The following CNTN6 variants were observed in gnomAD, a reference collection of about 807,000 sequenced individuals.
CNTN6 encodes contactin 6, also known as contactin-6.
A neutral mutation model predicts 122.8 loss-of-function variants in CNTN6; 137 were observed. The ratio of observed to expected loss-of-function variants is 1.12; its 90% CI spans 0.97 to 1.29. The LOEUF (loss-of-function observed/expected upper bound fraction) is 1.29, where lower values mean the gene tolerates loss of function less well. Ranked by LOEUF, CNTN6 falls within the 50% of genes most tolerant of loss-of-function variation. The probability of loss-of-function intolerance (pLI) is 0.00; values close to 1 mark genes in which losing one functional copy is unlikely to be tolerated. For missense variants in CNTN6, 1,634 were observed against 1,223.4 expected, an observed-to-expected ratio of 1.34 and a Z score of -5.01; for synonymous variants, 570 against 426.0, an observed-to-expected ratio of 1.34 and a Z score of -4.16.
intron 12 of CNTN6, among the ~76,000 whole-genome samples, chr3:1,358,614 G>A (rs527655818): frequency 5.3e-5 from 8 of 152,074 alleles, no homozygotes; most frequent in African/African-American, 9.6e-5. Context: ...GGGCGTGGAA[G>A]GGGAAAAAAT....
chr3:1,137,294 T>C (rs1368255549), intron 1 of CNTN6, among the ~76,000 whole-genome samples: 1 of 152,248 alleles, frequency 6.6e-6, no homozygotes, highest in East Asian at 1.9e-4. Context: ...TTGTTGTTGT[T>C]AATGCCTTTT....
chr3:1,398,440 C>A (rs3916111), intron 20 of CNTN6, among the ~76,000 whole-genome samples: 117,508 of 152,056 alleles, frequency 0.77, 47,109 homozygotes, highest in East Asian at 1. Context: ...ACATATCAAG[C>A]ATCCAAGTAA....
At chr3:1,342,347 C>T (rs967183799) in intron 11 of CNTN6, among the ~76,000 whole-genome samples, 2 of 152,140 alleles carry the variant, frequency 1.3e-5, no homozygotes, top group Non-Finnish European at 2.9e-5. Flanking sequence ...TCAGGCTGGT[C>T]TCGAACTCCT....
chr3:1,263,216 T>C (rs2094875508), intron 4 of CNTN6, among the ~76,000 whole-genome samples: 1 of 152,198 alleles, frequency 6.6e-6, no homozygotes, highest in African/African-American at 2.4e-5. Flanking sequence ...CCATTTTAAA[T>C]GTCTCACAGC....
intron 11 of CNTN6, among the ~76,000 whole-genome samples, chr3:1,344,608 C>T (rs568108974): frequency 5.3e-5 from 8 of 152,174 alleles, no homozygotes; most frequent in Middle Eastern, 3.4e-3. Context: ...AGAGTTTAGG[C>T]TTTTGTCTGG....
chr3:1,101,904 C>G (rs9310372), intron 1 of CNTN6, among the ~76,000 whole-genome samples: 6,567 of 152,216 alleles, frequency 0.043, 516 homozygotes, highest in African/African-American at 0.15. Flanking sequence ...TATTCAAAAA[C>G]TTTGTTAGCA....
chr3:1,170,279 T>C (rs1187210311), intron 2 of CNTN6, among the ~76,000 whole-genome samples: 1 of 145,828 alleles, frequency 6.9e-6, no homozygotes, highest in Admixed American at 6.9e-5. Flanking sequence ...ACTTTTAATA[T>C]GCTTACTCAC....
At chr3:1,189,636 C>T (rs1486525296) in intron 2 of CNTN6, among the ~76,000 whole-genome samples, 3 of 152,266 alleles carry the variant, frequency 2.0e-5, no homozygotes, top group Non-Finnish European at 4.4e-5. Context: ...ACTGGTATTA[C>T]ATTGCCTCCT....
chr3:1,363,642 ATT>A (rs1707796302), intron 12 of CNTN6, among the ~76,000 whole-genome samples: 1 of 151,880 alleles, frequency 6.6e-6, no homozygotes. Context: ...ACATGTCACA[ATT>A]TATTTATCCA....
chr3:1,354,103 T>C (rs73819717), intron 12 of CNTN6, among the ~76,000 whole-genome samples: 87 of 151,530 alleles, frequency 5.7e-4, no homozygotes, highest in African/African-American at 1.9e-3. Context: ...AGTCCACTAA[T>C]AACTGATGAA....
chr3:1,296,515 A>G (rs1696266638), intron 6 of CNTN6, among the ~76,000 whole-genome samples: 1 of 152,176 alleles, frequency 6.6e-6, no homozygotes, highest in Non-Finnish European at 1.5e-5. Context: ...GGATTCATAC[A>G]GGTAGAAAAT....
At chr3:1,245,269 A>G (rs1575400485) in intron 4 of CNTN6, among the ~76,000 whole-genome samples, 1 of 4,564 alleles carries the variant, frequency 2.2e-4, no homozygotes, top group East Asian at 5.0e-3. Context: ...ATATATATAT[A>G]TATATACACA....
At chr3:1,286,501 T>C (rs2125826932) in intron 5 of CNTN6, among the ~76,000 whole-genome samples, 1 of 152,246 alleles carries the variant, frequency 6.6e-6, no homozygotes, top group Non-Finnish European at 1.5e-5. Flanking sequence ...TCGAGCTTCA[T>C]CCATGTCCCT....
chr3:1,247,144 T>G (rs969408055), intron 4 of CNTN6, among the ~76,000 whole-genome samples: 1 of 152,220 alleles, frequency 6.6e-6, no homozygotes, highest in African/African-American at 2.4e-5. Context: ...CCTTCGTATT[T>G]AAATTATAAT....
At chr3:1,160,894 AAT>A (rs1167898833) in intron 2 of CNTN6, among the ~76,000 whole-genome samples, 3 of 152,126 alleles carry the variant, frequency 2.0e-5, no homozygotes, top group African/African-American at 7.2e-5. Context: ...TTAAAAATTA[AAT>A]AGACATCCAA....
intron 12 of CNTN6, among the ~76,000 whole-genome samples, chr3:1,366,697 G>C (rs748263931): frequency 8.9e-4 from 136 of 152,260 alleles, no homozygotes; most frequent in Non-Finnish European, 1.4e-3. Flanking sequence ...CATGGCTGTA[G>C]AATGAACTCT....
intron 20 of CNTN6, among the ~76,000 whole-genome samples, chr3:1,393,862 TGA>T (rs1694613056): frequency 6.6e-6 from 1 of 152,138 alleles, no homozygotes; most frequent in African/African-American, 2.4e-5. Flanking sequence ...AAATTCTTAT[TGA>T]GATTTTCTGT....
In CNTN6 at chr3:1,396,647, C is replaced by T. The variant is rs572572475; in HGVS notation, c.2705-4786C>T. Among the ~76,000 whole-genome samples, 6 of 152,326 alleles carry T rather than the reference C, an allele frequency of 3.9e-5. No individual in the cohort carries two copies. In the East Asian group the frequency reaches 1.2e-3, roughly 29 times the overall value. ...GTGCCTGGTAACATGTGTTATTATACTCCTCCTTTAGAGGCAATTTACTTT... is the reference window on the plus strand; with the variant it reads ...GTGCCTGGTAACATGTGTTATTATATTCCTCCTTTAGAGGCAATTTACTTT... On this transcript the variant is annotated intron_variant, in intron 20 of 22. Coordinates refer to ENST00000446702, the MANE Select transcript of CNTN6 (RefSeq NM_001289080.2).
At chr3:1,121,042 C>T (rs1018166905) in intron 1 of CNTN6, among the ~76,000 whole-genome samples, 1 of 151,984 alleles carries the variant, frequency 6.6e-6, no homozygotes, top group African/African-American at 2.4e-5. Flanking sequence ...AGATAGGACA[C>T]ATACTACATA....
Sources: allele counts gnomAD v4.1 joint callset (sites outside exome capture counted in the v4.1 genomes callset), GRCh38; gene constraint gnomAD v4.1.1; transcripts MANE v1.5; gene names NCBI Gene and HGNC (gene_info 2026-07-23, HGNC 2026-07-21).